CCDC93: variants seen among roughly 807,000 people sequenced by gnomAD.
CCDC93 encodes the protein CCC complex scaffolding subunit CCDC93, also known as coiled-coil domain-containing protein 93.
Under a neutral mutation model 108.2 loss-of-function variants are expected in CCDC93, and 61 were observed. The ratio of observed to expected loss-of-function variants is 0.56; its 90% CI spans 0.46 to 0.70. CCDC93 has a LOEUF of 0.70. CCDC93 is among the 30% of genes least tolerant of loss of function. The probability of loss-of-function intolerance (pLI) is 0.00; values close to 1 mark genes in which losing one functional copy is unlikely to be tolerated. For missense variants in CCDC93, 685 were observed against 764.2 expected, an observed-to-expected ratio of 0.90 and a Z score of 1.22; for synonymous variants, 276 against 260.4, an observed-to-expected ratio of 1.06 and a Z score of -0.58.
At chr2:118,013,082 TA>T (rs1677062284) in intron 1 of CCDC93, 1 of 152,078 alleles carries the variant, frequency 6.6e-6, no homozygotes, top group Non-Finnish European at 1.5e-5. Context: ...AGCCTTTGAG[TA>T]AAATCAACTG....
chr2:117,994,913 T>C (rs1393022825), intron 6 of CCDC93, among the ~76,000 whole-genome samples: 1 of 152,138 alleles, frequency 6.6e-6, no homozygotes, highest in East Asian at 1.9e-4. Flanking sequence ...GTTCCACAGC[T>C]CTGGCCCAGA....
intron 23 of CCDC93, among the ~76,000 whole-genome samples, chr2:117,922,788 A>C (rs1283483697): frequency 6.6e-6 from 1 of 152,138 alleles, no homozygotes; most frequent in Non-Finnish European, 1.5e-5. Context: ...CCTGGATGAA[A>C]GTACAAATTA....
chr2:117,947,700 T>TTA (rs1474608657), intron 15 of CCDC93, among the ~76,000 whole-genome samples: 2 of 149,538 alleles, frequency 1.3e-5, no homozygotes, highest in Admixed American at 6.6e-5. Context: ...CTGCTTTTTT[T>TTA]TTTTTTTTTT....
chr2:117,936,666 A>C (rs761320128), intron 21 of CCDC93, 36 bp downstream of exon 21: 1 of 1,571,422 alleles, frequency 6.4e-7, no homozygotes, highest in Non-Finnish European at 8.8e-7. Context: ...GCAGGCCGGC[A>C]GGGTATTAGT....
chr2:117,936,925 G>C, intron 20 of CCDC93, 186 bp from the exon 21 acceptor site: 1 of 587,508 alleles, frequency 1.7e-6, no homozygotes, highest in South Asian at 2.0e-5. Context: ...GATTTCCTCA[G>C]GGAATCCACC....
At position 117,931,237 on chromosome 2, in the gene CCDC93, C is replaced by T. The variant is rs1306920945; in HGVS notation, c.1729-87G>A. Reference sequence around the variant, plus strand: ...ACATCCAAAAGGCAACAGTTGTTAACAGTTTCATGGATTTCCTTACAGTAG... The same window carrying T: ...ACATCCAAAAGGCAACAGTTGTTAATAGTTTCATGGATTTCCTTACAGTAG... On this transcript the variant is annotated intron_variant, in intron 22 of 23. Coordinates refer to ENST00000376300, the MANE Select transcript of CCDC93 (RefSeq NM_019044.5). 18 of 838,942 alleles carry T rather than the reference C, an allele frequency of 2.1e-5. No homozygotes were observed. In the South Asian group the frequency reaches 2.5e-4, roughly 11 times the overall value. The allele number at this position is 838,942 out of a possible 1,614,324, so 52.0% of individuals were successfully genotyped here. A position where few individuals can be genotyped will look rare whatever the true frequency, so the allele number is the denominator to read the frequency against.
chr2:117,963,952 T>G (rs1387147115), intron 11 of CCDC93, among the ~76,000 whole-genome samples: 1 of 152,234 alleles, frequency 6.6e-6, no homozygotes, highest in Non-Finnish European at 1.5e-5. Context: ...TGAGATCATT[T>G]TACCAGGCTG....
At chr2:117,950,674 G>A in intron 13 of CCDC93, 4 of 985,450 alleles carry the variant, frequency 4.1e-6, no homozygotes, top group Non-Finnish European at 4.8e-6. Context: ...GATAGGTAAG[G>A]AGAACCAGGC....
At chr2:117,951,663 A>G (rs534667671) in intron 13 of CCDC93, 1 of 1,000,246 alleles carries the variant, frequency 1.0e-6, no homozygotes, top group Non-Finnish European at 1.2e-6. Context: ...CCAAAATCAC[A>G]AGGAAGACAG....
chr2:117,922,650 TGAA>T lies in CCDC93; in HGVS notation c.1843-2257_1843-2255del, dbSNP rs1677909955. ...GTAGACAACAATGTTGTGTTTTCCA[TGAA>T]GAATAATTATTGCACACTACAAGTG... On this transcript the variant is annotated intron_variant, in intron 23 of 23. Coordinates refer to ENST00000376300, the MANE Select transcript of CCDC93 (RefSeq NM_019044.5). 1.3e-5 allele frequency among the ~76,000 whole-genome samples: 2 copies of T among 152,148 alleles called. 1 individual carries two copies. The highest frequency in any genetic ancestry group is 4.1e-4 in the South Asian group (2 of 4,828).
chr2:117,951,156 G>A, intron 13 of CCDC93: 3 of 985,198 alleles, frequency 3.0e-6, no homozygotes, highest in Non-Finnish European at 3.6e-6. Flanking sequence ...ATCTCTTTCA[G>A]ATTATTATAC....
At chr2:117,962,289 T>C (rs1679421588) in intron 11 of CCDC93, among the ~76,000 whole-genome samples, 1 of 152,192 alleles carries the variant, frequency 6.6e-6, no homozygotes, top group Admixed American at 6.5e-5. Context: ...TCTTACAAGG[T>C]ACCAGGAGTT....
chr2:117,988,494 A>G (rs1680384555), intron 6 of CCDC93, among the ~76,000 whole-genome samples: 1 of 152,238 alleles, frequency 6.6e-6, no homozygotes, highest in Non-Finnish European at 1.5e-5. Flanking sequence ...GGGCCAGCCC[A>G]TGCCCAACTC....
chr2:117,923,542 C>A (rs1677961265), intron 23 of CCDC93, among the ~76,000 whole-genome samples: 1 of 152,302 alleles, frequency 6.6e-6, no homozygotes, highest in East Asian at 1.9e-4. Context: ...TGAGATCAAA[C>A]TGCAAGGCGG....
chr2:117,993,115 G>C (rs1309998762), intron 6 of CCDC93, among the ~76,000 whole-genome samples: 1 of 152,020 alleles, frequency 6.6e-6, no homozygotes, highest in Admixed American at 6.6e-5. Context: ...TTAATGTTTG[G>C]GCCGGGCACT....
At chr2:117,953,136 G>GA (rs1170868578) in intron 12 of CCDC93, among the ~76,000 whole-genome samples, 2 of 152,180 alleles carry the variant, frequency 1.3e-5, no homozygotes, top group African/African-American at 2.4e-5. Context: ...ATACAAGGCA[G>GA]AAAACCACCT....
chr2:117,918,304 G>A lies in CCDC93; in HGVS notation c.*2039C>T, dbSNP rs1243409294. ...AACAAAAACTGATTTATCCGTAGTA[G>A]GCCTTGTCGATAAAAAAAAAAAGGG... On this transcript the variant is annotated 3_prime_UTR_variant, in exon 24 of 24. Coordinates refer to ENST00000376300, the MANE Select transcript of CCDC93 (RefSeq NM_019044.5). 2 of 151,630 alleles carry A rather than the reference G, an allele frequency of 1.3e-5. No individual in the cohort carries two copies. Among genetic ancestry groups the A allele is most frequent in the African/African-American group, 4.8e-5 (2 of 41,252 alleles). The allele number at this position is 151,630 out of a possible 1,614,324, so 9.4% of individuals were successfully genotyped here.
At chr2:117,986,607 G>A (rs1680327303) in intron 6 of CCDC93, among the ~76,000 whole-genome samples, 1 of 152,020 alleles carries the variant, frequency 6.6e-6, no homozygotes, top group Admixed American at 6.6e-5. Flanking sequence ...ACCAGATACT[G>A]GCATTTTATT....
At chr2:117,961,328 C>T (rs542495442) in intron 11 of CCDC93, among the ~76,000 whole-genome samples, 3 of 152,276 alleles carry the variant, frequency 2.0e-5, no homozygotes, top group Admixed American at 2.0e-4. Context: ...TTTCAAACTG[C>T]TCTCTTTTAT....
Sources: allele counts gnomAD v4.1 joint callset (sites outside exome capture counted in the v4.1 genomes callset), GRCh38; gene constraint gnomAD v4.1.1; transcripts MANE v1.5; gene names NCBI Gene and HGNC (gene_info 2026-07-23, HGNC 2026-07-21).